SSX2IP: variants seen among roughly 807,000 people sequenced by gnomAD.
SSX2IP encodes afadin- and alpha-actinin-binding protein.
A neutral mutation model predicts 84.9 loss-of-function variants in SSX2IP; 55 were observed. The ratio of observed to expected loss-of-function variants is 0.65; its 90% CI spans 0.52 to 0.81. SSX2IP has a LOEUF of 0.81. Among genes scored for constraint, SSX2IP ranks in the 30% least tolerant of loss-of-function variants. The probability of loss-of-function intolerance (pLI) is 0.00; values close to 1 mark genes in which losing one functional copy is unlikely to be tolerated. For missense variants in SSX2IP, 664 were observed against 705.2 expected, an observed-to-expected ratio of 0.94 and a Z score of 0.66; for synonymous variants, 239 against 234.7, an observed-to-expected ratio of 1.02 and a Z score of -0.17.
At chr1:84,689,682 A>G (rs570119546) in intron 1 of SSX2IP, among the ~76,000 whole-genome samples, 43 of 152,378 alleles carry the variant, frequency 2.8e-4, no homozygotes, top group African/African-American at 7.9e-4. Flanking sequence ...GATATGCCTA[A>G]CTGGGCAATC....
chr1:84,647,718 T>A, intron 13 of SSX2IP, 111 bp from the exon 14 acceptor site: 1 of 794,994 alleles, frequency 1.3e-6, no homozygotes, highest in Non-Finnish European at 1.7e-6. Context: ...ATTCTAAAAA[T>A]CTAGGCCAAA....
chr1:84,677,096 C>A (rs1654454355), intron 1 of SSX2IP, among the ~76,000 whole-genome samples: 1 of 152,160 alleles, frequency 6.6e-6, no homozygotes, highest in Admixed American at 6.5e-5. Flanking sequence ...GCACATCCAA[C>A]TGAAAATAGA....
chr1:84,656,002 G>C lies in SSX2IP; in HGVS notation c.1219C>G (p.Gln407Glu). ...IKTQQQLLQQQLATAYDDDTT... is the reference protein window; with the variant it reads ...IKTQQQLLQQELATAYDDDTT... ...TCATCATCATATGCAGTAGCGAGCT[G>C]CTGCTATTAAAATTTAAAACATAGT... is the stretch of plus-strand genomic sequence containing the variant. The change falls in exon 11 of 14, where the codon CAG becomes GAG. Residue 407 changes from glutamine to glutamate, a missense_variant. Gln to Glu is a conservative substitution (Grantham distance 29). Coordinates refer to ENST00000342203, the MANE Select transcript of SSX2IP (RefSeq NM_001166293.2). 2 of 1,607,706 alleles carry C rather than the reference G, an allele frequency of 1.2e-6. No homozygotes were observed. The highest frequency in any genetic ancestry group is 1.7e-6 in the Non-Finnish European group (2 of 1,177,752).
rs1444180039 is a variant in SSX2IP, at chr1:84,690,408, G to A, written c.-127C>T. On this transcript the variant is annotated 5_prime_UTR_variant, in exon 1 of 14. Transcript: ENST00000342203. ...CGGGAGCGGCGGGGAGTCACCGCTC[G>A]GCGTCCTAGCCCGGCTCCCGCAGCC... 1 of 149,546 alleles carries A rather than the reference G, an allele frequency of 6.7e-6. No individual in the cohort carries two copies. Among genetic ancestry groups the A allele is most frequent in the African/African-American group, 2.5e-5 (1 of 40,442 alleles). The allele number at this position is 149,546 out of a possible 1,614,324, so 9.3% of individuals were successfully genotyped here.
chr1:84,689,537 G>T (rs1484600455), intron 1 of SSX2IP, among the ~76,000 whole-genome samples: 2 of 152,200 alleles, frequency 1.3e-5, no homozygotes, highest in Admixed American at 6.5e-5. Context: ...TCAGATTCAA[G>T]AACTTTATCA....
intron 6 of SSX2IP, 76 bp downstream of exon 6, chr1:84,664,341 T>C (rs1372618167): frequency 2.2e-5 from 29 of 1,326,976 alleles, no homozygotes; most frequent in Non-Finnish European, 6.9e-6. Context: ...GTTACTGTGT[T>C]CAATCCTTTT....
chr1:84,670,511 G>T (rs1653417571), intron 3 of SSX2IP, 135 bp downstream of exon 3: 1 of 568,586 alleles, frequency 1.8e-6, no homozygotes, highest in Non-Finnish European at 2.9e-6. Context: ...AATCACCAAG[G>T]TTCTCTGAAA....
At chr1:84,649,812 C>T in intron 13 of SSX2IP, 1 of 389,434 alleles carries the variant, frequency 2.6e-6, no homozygotes, top group African/African-American at 2.1e-5. Flanking sequence ...ACTTGAGATA[C>T]AGGAAAACAC....
At position 84,645,344 on chromosome 1, in the gene SSX2IP, G is replaced by T. The variant is rs1649339852; in HGVS notation, c.*2089C>A. ...TGTTCAACAAAAGTGATGTTGTTAG[G>T]TAAAATGTACAACTTCTGGATCTAT... On this transcript the variant is annotated 3_prime_UTR_variant, in exon 14 of 14. Coordinates refer to ENST00000342203, the MANE Select transcript of SSX2IP (RefSeq NM_001166293.2). 6.6e-6 allele frequency: 1 copy of T among 152,148 alleles called. No individual in the cohort carries two copies. Among genetic ancestry groups the T allele is most frequent in the African/African-American group, 2.4e-5 (1 of 41,422 alleles). The allele number at this position is 152,148 out of a possible 1,614,324, so 9.4% of individuals were successfully genotyped here. A position where few individuals can be genotyped will look rare whatever the true frequency, so the allele number is the denominator to read the frequency against.
At chr1:84,650,337 G>GAA in intron 13 of SSX2IP, 25 bp downstream of exon 13, 1 of 1,613,772 alleles carries the variant, frequency 6.2e-7, no homozygotes, top group Non-Finnish European at 8.5e-7. Context: ...AGAAACACGT[G>GAA]AAAAGATCAC....
intron 9 of SSX2IP, among the ~76,000 whole-genome samples, chr1:84,657,719 CTTTA>C (rs920669077): frequency 6.6e-6 from 1 of 152,162 alleles, no homozygotes; most frequent in Non-Finnish European, 1.5e-5. Flanking sequence ...ACTCAGTTAT[CTTTA>C]TTTGATTGTA....
At position 84,658,448 on chromosome 1, in the gene SSX2IP, T is replaced by A. The variant is rs767989981; in HGVS notation, c.948A>T (p.Glu316Asp). 2 of 1,614,060 alleles carry A rather than the reference T, an allele frequency of 1.2e-6. No individual in the cohort carries two copies. Among genetic ancestry groups the A allele is most frequent in the Non-Finnish European group, 8.5e-7 (1 of 1,179,978 alleles). The change falls in exon 9 of 14, where the codon GAA (glutamate) becomes GAT (aspartate). Residue 316 changes from glutamate to aspartate, a missense_variant. Physicochemically the swap from Glu to Asp is conservative, Grantham distance 45. Coordinates refer to ENST00000342203, the MANE Select transcript of SSX2IP (RefSeq NM_001166293.2). ...TCTCTCTGCTTAGTTCCCCGGCATCTTCTTCAACATCGGAAATAACCTACA... is the reference window on the plus strand; with the variant it reads ...TCTCTCTGCTTAGTTCCCCGGCATCATCTTCAACATCGGAAATAACCTACA... ...STGTVISDVE[E>D]DAGELSRESM...
At position 84,656,441 on chromosome 1, in the gene SSX2IP, G is replaced by A. The variant is rs765786190; in HGVS notation, c.1122C>T (p.Ile374=). ...TTTCTTGTTCATGGTCTTGTCGTGA[G>A]ATTACATCTTCATCATTAAAACCTT... ...HLEGFNDEDV[I]SRQDHEQETE... is the part of the protein sequence containing the mutation. The change falls in exon 10 of 14, where the codon ATC becomes ATT. Residue 374 remains isoleucine (I), a synonymous_variant. Transcript: ENST00000342203. The A allele has an allele frequency of 6.2e-7, 1 of 1,613,304 alleles. No homozygotes were observed. Among genetic ancestry groups the A allele is most frequent in the Non-Finnish European group, 8.5e-7 (1 of 1,179,634 alleles).
At chr1:84,674,058 T>C (rs992090300) in intron 1 of SSX2IP, among the ~76,000 whole-genome samples, 8 of 152,178 alleles carry the variant, frequency 5.3e-5, no homozygotes, top group Non-Finnish European at 1.0e-4. Context: ...AGATAATCAC[T>C]ATAAGTAAAA....
chr1:84,660,611 C>A (rs1249303302), intron 8 of SSX2IP, among the ~76,000 whole-genome samples: 2 of 151,490 alleles, frequency 1.3e-5, no homozygotes, highest in Non-Finnish European at 2.9e-5. Context: ...ACTAAAAATA[C>A]AAAATTGGCC....
chr1:84,684,120 G>A (rs1408849741), intron 1 of SSX2IP, among the ~76,000 whole-genome samples: 1 of 152,116 alleles, frequency 6.6e-6, no homozygotes, highest in African/African-American at 2.4e-5. Context: ...TCTACTCATC[G>A]TTTTTTCAAT....
intron 1 of SSX2IP, among the ~76,000 whole-genome samples, chr1:84,681,398 A>T (rs1280820488): frequency 6.6e-6 from 1 of 152,250 alleles, no homozygotes; most frequent in Non-Finnish European, 1.5e-5. Context: ...TATAGCACAA[A>T]AAAAGAAGTT....
chr1:84,648,805 T>TA lies in SSX2IP; in HGVS notation c.1671-1199dup, dbSNP rs1354091404. 5.9e-5 allele frequency among the ~76,000 whole-genome samples: 9 copies of TA among 152,268 alleles called. No homozygotes were observed. In the East Asian group the frequency reaches 1.7e-3, roughly 29 times the overall value. On this transcript the variant is annotated intron_variant, in intron 13 of 13. Coordinates refer to ENST00000342203, the MANE Select transcript of SSX2IP (RefSeq NM_001166293.2). ...CATTATCTTTTGATTGTAAAATAAATAAACTTTCACTTCCCATATTCAACT... is the reference window on the plus strand; with the variant it reads ...CATTATCTTTTGATTGTAAAATAAATAAAACTTTCACTTCCCATATTCAACT...
At chr1:84,679,382 T>C (rs142160428) in intron 1 of SSX2IP, among the ~76,000 whole-genome samples, 43 of 152,346 alleles carry the variant, frequency 2.8e-4, no homozygotes, top group African/African-American at 1.0e-3. Context: ...AATTATTTCT[T>C]CTGAGTGGTG....
Sources: allele counts gnomAD v4.1 joint callset (sites outside exome capture counted in the v4.1 genomes callset), GRCh38; gene constraint gnomAD v4.1.1; transcripts MANE v1.5; gene names NCBI Gene and HGNC (gene_info 2026-07-23, HGNC 2026-07-21).